Variants in MINDY2 observed in about 807,000 individuals in gnomAD.
MINDY2 encodes the protein MINDY lysine 48 deubiquitinase 2.
Under a neutral mutation model 68.2 loss-of-function variants are expected in MINDY2, and 52 were observed. The ratio of observed to expected loss-of-function variants is 0.76; its 90% CI spans 0.61 to 0.96. The LOEUF (loss-of-function observed/expected upper bound fraction) is 0.96, where lower values mean the gene tolerates loss of function less well. Ranked by LOEUF, MINDY2 falls within the 40% of genes least tolerant of loss-of-function variation. The probability of loss-of-function intolerance (pLI) is 0.00; values close to 1 mark genes in which losing one functional copy is unlikely to be tolerated. For synonymous variants in MINDY2, 372 were observed against 303.0 expected, an observed-to-expected ratio of 1.23 and a Z score of -2.36; for missense variants, 881 against 773.4, an observed-to-expected ratio of 1.14 and a Z score of -1.65.
intron 1 of MINDY2, among the ~76,000 whole-genome samples, chr15:58,780,627 A>G (rs1901073496): frequency 6.6e-6 from 1 of 152,102 alleles, no homozygotes; most frequent in South Asian, 2.1e-4. Context: ...GATTCCTTAG[A>G]TCGATTCCTG....
At chr15:58,809,610 A>C (rs1172429530) in intron 3 of MINDY2, among the ~76,000 whole-genome samples, 1 of 152,206 alleles carries the variant, frequency 6.6e-6, no homozygotes, top group African/African-American at 2.4e-5. Flanking sequence ...TTTGACTTGA[A>C]AAACATTTGA....
chr15:58,822,931 A>G (rs1165098367), intron 5 of MINDY2, among the ~76,000 whole-genome samples: 3 of 152,176 alleles, frequency 2.0e-5, no homozygotes, highest in Admixed American at 1.3e-4. Flanking sequence ...GTTTATTACA[A>G]TTATCACATT....
At chr15:58,778,694 A>C (rs1350102088) in intron 1 of MINDY2, among the ~76,000 whole-genome samples, 1 of 150,768 alleles carries the variant, frequency 6.6e-6, no homozygotes, top group East Asian at 1.9e-4. Context: ...TGGTGCAATC[A>C]TGGCTCCGAA....
intron 6 of MINDY2, among the ~76,000 whole-genome samples, chr15:58,843,296 T>C (rs535679): frequency 0.84 from 127,221 of 151,946 alleles, 54,573 homozygotes; most frequent in Middle Eastern, 0.94. Context: ...ACTACAGGCA[T>C]GTACCACTAC....
chr15:58,777,730 G>A (rs1900864608), intron 1 of MINDY2, among the ~76,000 whole-genome samples: 1 of 152,066 alleles, frequency 6.6e-6, no homozygotes, highest in South Asian at 2.1e-4. Context: ...GCTCAAATTT[G>A]TAATTTTGTT....
Position 58,859,703 on chromosome 15 carries a change from C to G in MINDY2, c.*5093C>G, listed in dbSNP as rs184763810. On this transcript the variant is annotated 3_prime_UTR_variant, in exon 9 of 9. Coordinates refer to ENST00000559228, the MANE Select transcript of MINDY2 (RefSeq NM_001040450.3). The stretch of plus-strand genomic sequence containing the variant: ...GCAGGACTCTGGTAAATTTAACTTA[C>G]TTTGAATATCTATCTAAATTTTAGT... 6.6e-6 allele frequency: 1 copy of G among 152,234 alleles called. No homozygotes were observed. The highest frequency in any genetic ancestry group is 2.4e-5 in the African/African-American group (1 of 41,528). 9.4% of individuals were successfully genotyped at this position (152,234 alleles called of 1,614,324 possible). A position where few individuals can be genotyped will look rare whatever the true frequency, so the allele number is the denominator to read the frequency against.
rs191474457 is a variant in MINDY2 at position 58,832,184 on chromosome 15, A to T, written c.1368+268A>T. 2.2e-3 allele frequency among the ~76,000 whole-genome samples: 330 copies of T among 151,918 alleles called. 1 individual carries two copies. Among genetic ancestry groups the T allele is most frequent in the Middle Eastern group, 3.4e-3 (1 of 292 alleles). On this transcript the variant is annotated intron_variant, in intron 6 of 8. Coordinates refer to ENST00000559228, the MANE Select transcript of MINDY2 (RefSeq NM_001040450.3). ...GAAGTATTTTATTATTTTCTTTCTG[A>T]GAGAAAAAAAAGATAAACCCTAGAG...
At chr15:58,846,878 G>A (rs2032563973) in intron 6 of MINDY2, among the ~76,000 whole-genome samples, 1 of 151,928 alleles carries the variant, frequency 6.6e-6, no homozygotes. Flanking sequence ...GTAGAGAAAG[G>A]AAAAACTGGT....
At chr15:58,811,013 C>T (rs1210175387) in intron 4 of MINDY2, among the ~76,000 whole-genome samples, 2 of 152,220 alleles carry the variant, frequency 1.3e-5, no homozygotes, top group African/African-American at 4.8e-5. Context: ...TCCTACCCTT[C>T]CCTCCCTGGA....
chr15:58,838,541 C>G (rs2032113707), intron 6 of MINDY2, among the ~76,000 whole-genome samples: 1 of 148,312 alleles, frequency 6.7e-6, no homozygotes, highest in African/African-American at 2.5e-5. Context: ...ACATAAATAT[C>G]TATACTTCTA....
At chr15:58,808,549 C>T (rs1389026320) in intron 3 of MINDY2, among the ~76,000 whole-genome samples, 2 of 152,024 alleles carry the variant, frequency 1.3e-5, no homozygotes, top group African/African-American at 4.8e-5. Flanking sequence ...TAGCTCATCT[C>T]TATTTTTTTT....
At chr15:58,840,954 C>T (rs1340911131) in intron 6 of MINDY2, among the ~76,000 whole-genome samples, 3 of 148,254 alleles carry the variant, frequency 2.0e-5, no homozygotes, top group Non-Finnish European at 4.4e-5. Flanking sequence ...AGGTGTAAGC[C>T]ACTGCGCCTG....
chr15:58,830,253 T>C (rs1438731724), intron 5 of MINDY2, among the ~76,000 whole-genome samples: 1 of 152,216 alleles, frequency 6.6e-6, no homozygotes, highest in East Asian at 1.9e-4. Context: ...TGGTAACATT[T>C]TCATCAGCTG....
rs551655597 is a variant in MINDY2, at chr15:58,856,737, G to A, written c.*2127G>A. On this transcript the variant is annotated 3_prime_UTR_variant, in exon 9 of 9. Coordinates refer to ENST00000559228, the MANE Select transcript of MINDY2 (RefSeq NM_001040450.3). ...TCAAACCTCAGGGTTTGTTTTTCCC[G>A]GGACAGATAGTAGTGATAGTGCATT... 5.9e-5 allele frequency: 9 copies of A among 152,180 alleles called. No individual in the cohort carries two copies. The highest frequency in any genetic ancestry group is 2.1e-4 in the South Asian group (1 of 4,822). The allele number at this position is 152,180 out of a possible 1,614,324, so 9.4% of individuals were successfully genotyped here. A position where few individuals can be genotyped will look rare whatever the true frequency, so the allele number is the denominator to read the frequency against.
At chr15:58,849,646 T>C (rs2032715630) in intron 7 of MINDY2, among the ~76,000 whole-genome samples, 1 of 152,072 alleles carries the variant, frequency 6.6e-6, no homozygotes, top group African/African-American at 2.4e-5. Context: ...AAGAGCAGAG[T>C]TTGAAGAATT....
At chr15:58,834,299 A>C (rs624536) in intron 6 of MINDY2, among the ~76,000 whole-genome samples, 38,612 of 151,828 alleles carry the variant, frequency 0.25, 5,395 homozygotes, top group East Asian at 0.62. Flanking sequence ...TCCCCACAAT[A>C]TCTCACTCCT....
rs1473438278 is a variant in MINDY2 at position 58,855,980 on chromosome 15, T to G, written c.*1370T>G. On this transcript the variant is annotated 3_prime_UTR_variant, in exon 9 of 9. Coordinates refer to ENST00000559228, the MANE Select transcript of MINDY2 (RefSeq NM_001040450.3). ...TGTAAAAGCAATCAGAGTTTTTAAT[T>G]TATGGGAACCAAATAAAACTATAAC... is the stretch of plus-strand genomic sequence containing the variant. The G allele has an allele frequency of 6.6e-6, 1 of 152,590 alleles. No individual in the cohort carries two copies. The highest frequency in any genetic ancestry group is 1.9e-4 in the East Asian group (1 of 5,192). 9.5% of individuals were successfully genotyped at this position (152,590 alleles called of 1,614,324 possible).
intron 6 of MINDY2, among the ~76,000 whole-genome samples, chr15:58,838,367 C>T (rs1445053464): frequency 6.6e-6 from 1 of 151,852 alleles, no homozygotes; most frequent in African/African-American, 2.4e-5. Context: ...CACTGCACTC[C>T]AGCCTGGGTG....
intron 3 of MINDY2, among the ~76,000 whole-genome samples, chr15:58,806,793 A>G (rs1300644143): frequency 6.6e-6 from 1 of 152,194 alleles, no homozygotes; most frequent in Non-Finnish European, 1.5e-5. Context: ...ATTGCTGTAG[A>G]TTTAAGAAAA....
Sources: allele counts gnomAD v4.1 joint callset (sites outside exome capture counted in the v4.1 genomes callset), GRCh38; gene constraint gnomAD v4.1.1; transcripts MANE v1.5; gene names NCBI Gene and HGNC (gene_info 2026-07-23, HGNC 2026-07-21).